SPARC: variants seen among roughly 807,000 people sequenced by gnomAD.
The protein encoded by SPARC is secreted protein acidic and cysteine rich, also known as basement-membrane protein 40.
SPARC carries 23 observed loss-of-function variants against 37.7 expected under a neutral mutation model. The observed-to-expected ratio is 0.61, with a 90% CI of 0.44 to 0.87. The LOEUF (loss-of-function observed/expected upper bound fraction) is 0.87. SPARC is among the 40% of genes least tolerant of loss of function. The pLI, the probability that SPARC is intolerant of heterozygous loss-of-function variation, is 0.00. For synonymous variants in SPARC, 155 were observed against 150.8 expected (o/e 1.03, Z -0.20); for missense variants, 312 against 389.0 (o/e 0.80, Z 1.66).
chr5:151,669,523 T>G, intron 6 of SPARC, 141 bp downstream of exon 6: 1 of 1,012,286 alleles, frequency 9.9e-7, no homozygotes. Flanking sequence ...TACCTCATTT[T>G]ATAAATGGGG....
intron 9 of SPARC, 54 bp from the exon 10 acceptor site, chr5:151,663,653 C>G (rs1359463847): frequency 6.3e-7 from 1 of 1,592,230 alleles, no homozygotes; most frequent in African/African-American, 1.3e-5. Flanking sequence ...GATGATAACG[C>G]ACTTCCCAAG....
chr5:151,686,195 A>G (rs1761135562), intron 1 of SPARC, among the ~76,000 whole-genome samples: 2 of 152,290 alleles, frequency 1.3e-5, no homozygotes, highest in African/African-American at 4.8e-5. Context: ...ATCCCAAGGA[A>G]CTCAGGACAG....
rs1760502903 is a variant in SPARC at position 151,661,572 on chromosome 5, TTCTC to T, written c.*1995_*1998del. 6.6e-6 allele frequency: 1 copy of T among 152,192 alleles called. No homozygotes were observed. The highest frequency in any genetic ancestry group is 2.1e-4 in the South Asian group (1 of 4,820). 9.4% of individuals were successfully genotyped at this position (152,192 alleles called of 1,614,324 possible). ...AATTGAGCACATTTCTTGGGTCTGT[TTCTC>T]TATCTCTAAGGGGAGTCTCAAAACC... On this transcript the variant is annotated 3_prime_UTR_variant, in exon 10 of 10. Coordinates refer to ENST00000231061, the MANE Select transcript of SPARC (RefSeq NM_003118.4).
At position 151,666,349 on chromosome 5, in the gene SPARC, C is replaced by G. The variant is rs763877115; in HGVS notation, c.734+12G>C. The G allele has an allele frequency of 3.1e-6, 5 of 1,612,814 alleles. No homozygotes were observed. In the South Asian group the frequency reaches 5.5e-5, roughly 18 times the overall value. ...CCTTGAGCTCTGTTCACTCTAGGGT[C>G]TGGGGTCTTACCCGTCAATGGGGTG... is the stretch of plus-strand genomic sequence containing the variant. On this transcript the variant is annotated intron_variant, in intron 8 of 9. Transcript: ENST00000231061.
At chr5:151,665,155 C>G (rs1760594198) in intron 8 of SPARC, among the ~76,000 whole-genome samples, 1 of 152,186 alleles carries the variant, frequency 6.6e-6, no homozygotes, top group African/African-American at 2.4e-5. Flanking sequence ...AGGTCACCTA[C>G]AGCCCTGGGA....
intron 5 of SPARC, among the ~76,000 whole-genome samples, chr5:151,670,061 T>C (rs1019791720): frequency 3.3e-5 from 5 of 152,136 alleles, no homozygotes; most frequent in Non-Finnish European, 7.4e-5. Flanking sequence ...CTGGAAGATA[T>C]TTGAAGAGAA....
chr5:151,668,284 C>T (rs112582831), intron 6 of SPARC, among the ~76,000 whole-genome samples: 2 of 152,082 alleles, frequency 1.3e-5, no homozygotes, highest in African/African-American at 4.8e-5. Flanking sequence ...TCCTGAGTAG[C>T]TGGGACTACA....
chr5:151,663,717 A>T, intron 9 of SPARC, 118 bp from the exon 10 acceptor site: 1 of 931,118 alleles, frequency 1.1e-6, no homozygotes, highest in Non-Finnish European at 1.7e-6. Flanking sequence ...TGGCCATGCA[A>T]GGTCACCCAG....
At chr5:151,684,234 T>C (rs1485282297) in intron 1 of SPARC, among the ~76,000 whole-genome samples, 14 of 152,160 alleles carry the variant, frequency 9.2e-5, no homozygotes, top group Admixed American at 9.2e-4. Context: ...GTGTTAAAAA[T>C]GCAGGCAAGC....
At chr5:151,680,216 C>CTTTTTTTTTTTTTTTTTTT (rs58021431) in intron 1 of SPARC, among the ~76,000 whole-genome samples, 1 of 61,978 alleles carries the variant, frequency 1.6e-5, no homozygotes, top group African/African-American at 7.5e-5. Flanking sequence ...TGGAAAACAT[C>CTTTTTTTTTTTTTTTTTTT]TTTTTTTTTT....
Position 151,674,788 on chromosome 5 carries a change from A to C in SPARC, c.58-114T>G, listed in dbSNP as rs545567811. On this transcript the variant is annotated intron_variant, in intron 2 of 9. Coordinates refer to ENST00000231061, the MANE Select transcript of SPARC (RefSeq NM_003118.4). Reference sequence around the variant, plus strand: ...GGGAGCTTGGAGAGCAGCTTACTGGAGATCCCCAAAGTTGTGCCTCATGGA... The same window carrying C: ...GGGAGCTTGGAGAGCAGCTTACTGGCGATCCCCAAAGTTGTGCCTCATGGA... 30 of 959,658 alleles carry C rather than the reference A, an allele frequency of 3.1e-5. No individual in the cohort carries two copies. The African/African-American group carries it at 4.0e-4, about 13-fold the overall frequency. The allele number at this position is 959,658 out of a possible 1,614,324, so 59.4% of individuals were successfully genotyped here. A position where few individuals can be genotyped will look rare whatever the true frequency, so the allele number is the denominator to read the frequency against.
At chr5:151,684,978 G>A (rs1239696463) in intron 1 of SPARC, 1 of 150,588 alleles carries the variant, frequency 6.6e-6, no homozygotes, top group African/African-American at 2.5e-5. Context: ...CCTTGAATTT[G>A]GGGGTGGGGT....
At position 151,662,057 on chromosome 5, in the gene SPARC, C is replaced by T. The variant is rs932459402; in HGVS notation, c.*1514G>A. On this transcript the variant is annotated 3_prime_UTR_variant, in exon 10 of 10. Coordinates refer to ENST00000231061, the MANE Select transcript of SPARC (RefSeq NM_003118.4). ...AAATGCTTTGTCTACTTTGCCATAA[C>T]TGTGTCCCCAGTGCTTGGCATGGGA... is the stretch of plus-strand genomic sequence containing the variant. 1.3e-5 allele frequency: 2 copies of T among 152,552 alleles called. No individual in the cohort carries two copies. Among genetic ancestry groups the T allele is most frequent in the Non-Finnish European group, 2.9e-5 (2 of 68,038 alleles). The allele number at this position is 152,552 out of a possible 1,614,324, so 9.4% of individuals were successfully genotyped here. A position where few individuals can be genotyped will look rare whatever the true frequency, so the allele number is the denominator to read the frequency against.
chr5:151,668,974 G>C (rs1760688050), intron 6 of SPARC, among the ~76,000 whole-genome samples: 1 of 152,096 alleles, frequency 6.6e-6, no homozygotes, highest in African/African-American at 2.4e-5. Context: ...ATGTTGCCTT[G>C]GAGGGGGAGC....
chr5:151,672,886 G>A, intron 4 of SPARC: 2 of 517,008 alleles, frequency 3.9e-6, no homozygotes, highest in Non-Finnish European at 3.5e-6. Context: ...CCCATTTCCA[G>A]CTGGAGAACT....
At chr5:151,672,199 A>G (rs13182103) in intron 4 of SPARC, among the ~76,000 whole-genome samples, 44,504 of 152,052 alleles carry the variant, frequency 0.29, 7,405 homozygotes, top group Non-Finnish European at 0.37. Context: ...CCTGGTAAAC[A>G]CCGGATGAGG....
chr5:151,686,488 T>C (rs1230201054), intron 1 of SPARC: 1 of 152,110 alleles, frequency 6.6e-6, no homozygotes, highest in African/African-American at 2.4e-5. Flanking sequence ...GCAGCTGTGA[T>C]GGGATCAGAT....
Position 151,671,584 on chromosome 5 carries a change from C to T in SPARC, c.319G>A (p.Glu107Lys), listed in dbSNP as rs147557671. 17 of 1,578,178 alleles carry T rather than the reference C, an allele frequency of 1.1e-5. No homozygotes were observed. Among genetic ancestry groups the T allele is most frequent in the African/African-American group, 9.5e-5 (7 of 73,408 alleles). The change falls in exon 5 of 10, where the codon GAG becomes AAG. Residue 107 changes from glutamate (E) to lysine (K), a missense_variant. Glu to Lys is a moderately conservative substitution (Grantham distance 56). Coordinates refer to ENST00000231061, the MANE Select transcript of SPARC (RefSeq NM_003118.4). ...CTCTCAGCCCTCACCTTCTCAAACT[C>T]GCCAATGGGGGCTGGGCAGCTGGTG... ...DPTSCPAPIG[E>K]FEKVCSNDNK...
chr5:151,663,529 G>T lies in SPARC; in HGVS notation c.*42C>A. 1 of 1,587,060 alleles carries T rather than the reference G, an allele frequency of 6.3e-7. No individual in the cohort carries two copies. Among genetic ancestry groups the T allele is most frequent in the Non-Finnish European group, 8.7e-7 (1 of 1,156,022 alleles). ...TTAAACATTGGGGGAAACACGAAGG[G>T]GAGGGTTAAAGAGAGAATCCGGTAC... On this transcript the variant is annotated 3_prime_UTR_variant, in exon 10 of 10. Transcript: ENST00000231061.
Sources: allele counts gnomAD v4.1 joint callset (sites outside exome capture counted in the v4.1 genomes callset), GRCh38; gene constraint gnomAD v4.1.1; transcripts MANE v1.5; gene names NCBI Gene and HGNC (gene_info 2026-07-23, HGNC 2026-07-21).